KIR2DL1: variants seen among roughly 807,000 people sequenced by gnomAD.
The protein encoded by KIR2DL1 is killer cell immunoglobulin like receptor, two Ig domains and long cytoplasmic tail 1.
A neutral mutation model predicts 33.9 loss-of-function variants in KIR2DL1; 38 were observed. That is an observed-to-expected ratio of 1.12 (90% CI 0.86 to 1.47). The LOEUF (loss-of-function observed/expected upper bound fraction) is 1.47. Among genes scored for constraint, KIR2DL1 ranks in the 40% most tolerant of loss-of-function variants. KIR2DL1 has a pLI of 0.00. For synonymous variants in KIR2DL1, 179 were observed against 165.9 expected (o/e 1.08, Z -0.61); for missense variants, 531 against 433.9 (o/e 1.22, Z -1.99).
At chr19:54,776,487 G>A (rs1411178137) in intron 4 of KIR2DL1, among the ~76,000 whole-genome samples, 1 of 146,972 alleles carries the variant, frequency 6.8e-6, no homozygotes, top group Non-Finnish European at 1.5e-5. Context: ...TTCACCCACT[G>A]ATGGGCAGGT....
At chr19:54,779,249 C>T (rs1399237107) in intron 5 of KIR2DL1, among the ~76,000 whole-genome samples, 4 of 148,354 alleles carry the variant, frequency 2.7e-5, no homozygotes, top group Admixed American at 6.8e-5. Flanking sequence ...GAAAACAAAA[C>T]GGTTTTTTAA....
intron 5 of KIR2DL1, 44 bp downstream of exon 5, chr19:54,778,706 A>T: frequency 6.9e-7 from 1 of 1,459,206 alleles, no homozygotes; most frequent in Non-Finnish European, 9.4e-7. Flanking sequence ...AACCCTGGGG[A>T]GGTGGGAACC....
At chr19:54,781,825 G>A (rs2076990072) in intron 5 of KIR2DL1, among the ~76,000 whole-genome samples, 1 of 152,000 alleles carries the variant, frequency 6.6e-6, no homozygotes, top group African/African-American at 2.4e-5. Flanking sequence ...GAGAATGCAA[G>A]TTGTTTGATT....
chr19:54,772,965 C>T (rs2075918354), intron 2 of KIR2DL1, among the ~76,000 whole-genome samples: 1 of 147,906 alleles, frequency 6.8e-6, no homozygotes, highest in Non-Finnish European at 1.5e-5. Flanking sequence ...CCAAGGATTC[C>T]AATTCGTCCA....
chr19:54,770,133 C>T (rs1170745027), intron 1 of KIR2DL1, among the ~76,000 whole-genome samples: 1 of 139,530 alleles, frequency 7.2e-6, no homozygotes, highest in Admixed American at 7.3e-5. Flanking sequence ...AGATAGGAAC[C>T]TGGAGGGGAG....
At chr19:54,781,469 C>T (rs1271416626) in intron 5 of KIR2DL1, among the ~76,000 whole-genome samples, 1 of 150,820 alleles carries the variant, frequency 6.6e-6, no homozygotes, top group Non-Finnish European at 1.5e-5. Flanking sequence ...CACCTCACCC[C>T]TACTTCCAAT....
chr19:54,774,645 T>C lies in KIR2DL1; in HGVS notation c.371-520T>C, dbSNP rs377192615. Among the ~76,000 whole-genome samples the C allele has an allele frequency of 2.9e-3, 427 of 147,908 alleles. 21 individuals are homozygous for C. The highest frequency in any genetic ancestry group is 0.01 in the African/African-American group (409 of 40,514). On this transcript the variant is annotated intron_variant, in intron 3 of 7. Coordinates refer to ENST00000336077, the MANE Select transcript of KIR2DL1 (RefSeq NM_014218.3). The stretch of plus-strand genomic sequence containing the variant: ...TGAAGACAGATAGATAGATAATACA[T>C]AGAGATACAGAGGCAGACATAGAGA...
intron 5 of KIR2DL1, among the ~76,000 whole-genome samples, chr19:54,782,053 C>G (rs2077023282): frequency 1.3e-5 from 2 of 151,930 alleles, no homozygotes; most frequent in African/African-American, 4.8e-5. Context: ...CAACAGAAAC[C>G]TATATTTCAA....
intron 4 of KIR2DL1, among the ~76,000 whole-genome samples, chr19:54,776,815 T>C (rs1288401995): frequency 1.4e-5 from 2 of 145,866 alleles, no homozygotes; most frequent in African/African-American, 5.1e-5. Flanking sequence ...TACTTTTTGG[T>C]TTTTTTAGTA....
At chr19:54,779,015 A>ATG (rs1194694989) in intron 5 of KIR2DL1, among the ~76,000 whole-genome samples, 4 of 146,150 alleles carry the variant, frequency 2.7e-5, no homozygotes, top group Non-Finnish European at 4.6e-5. Flanking sequence ...GATGAGGGCA[A>ATG]GGTGTTTTAG....
chr19:54,773,758 G>A, intron 3 of KIR2DL1, 126 bp downstream of exon 3: 1 of 1,091,886 alleles, frequency 9.2e-7, no homozygotes, highest in Non-Finnish European at 1.3e-6. Context: ...CTGACTTGGT[G>A]AGGTCTGTGC....
intron 4 of KIR2DL1, among the ~76,000 whole-genome samples, chr19:54,776,633 T>C (rs2569658): frequency 2.7e-5 from 3 of 109,562 alleles, no homozygotes; most frequent in Admixed American, 1.8e-4. Context: ...ATGAAAGTTC[T>C]CTTTTTTTTT....
intron 3 of KIR2DL1, among the ~76,000 whole-genome samples, chr19:54,774,507 A>C (rs2147475624): frequency 6.7e-6 from 1 of 148,572 alleles, no homozygotes; most frequent in East Asian, 1.9e-4. Flanking sequence ...GACAGATGAT[A>C]GATGGATAGA....
chr19:54,775,238 C>T lies in KIR2DL1; in HGVS notation c.444C>T (p.Ser148=), dbSNP rs1283525256. ...TVLAGENVTL[S]CSSRSSYDMY... Reference sequence around the variant, plus strand: ...TGGCAGGAGAGAATGTGACCTTGTCCTGCAGCTCCCGGAGCTCCTATGACA... The same window carrying T: ...TGGCAGGAGAGAATGTGACCTTGTCTTGCAGCTCCCGGAGCTCCTATGACA... Residue 148 remains serine, a synonymous_variant, in exon 4 of 8, where the codon TCC becomes TCT. Coordinates refer to ENST00000336077, the MANE Select transcript of KIR2DL1 (RefSeq NM_014218.3). The T allele has an allele frequency of 1.9e-6, 3 of 1,602,954 alleles. No individual in the cohort carries two copies. Among genetic ancestry groups the T allele is most frequent in the African/African-American group, 1.3e-5 (1 of 74,328 alleles).
In KIR2DL1 at chr19:54,778,744, C is replaced by G. The variant is rs2076636821; in HGVS notation, c.715+82C>G. 4.5e-6 allele frequency: 6 copies of G among 1,322,784 alleles called. 1 individual carries two copies. Among genetic ancestry groups the G allele is most frequent in the Admixed American group, 3.6e-5 (2 of 56,034 alleles). 81.9% of individuals were successfully genotyped at this position (1,322,784 alleles called of 1,614,324 possible). ...GGATTCAGGCGTTGACTCAGCATCT[C>G]ACAGCTCTGACATTGTACACTTGTC... On this transcript the variant is annotated intron_variant, in intron 5 of 7. Transcript: ENST00000336077.
intron 5 of KIR2DL1, 52 bp from the exon 6 acceptor site, chr19:54,782,870 T>C (rs2077173807): frequency 1.3e-6 from 2 of 1,580,362 alleles, no homozygotes; most frequent in Non-Finnish European, 1.7e-6. Context: ...AGACAATTCA[T>C]AAAGAGGAAC....
chr19:54,782,818 A>G (rs1165568121), intron 5 of KIR2DL1, 104 bp from the exon 6 acceptor site: 19 of 1,274,300 alleles, frequency 1.5e-5, no homozygotes, highest in Non-Finnish European at 1.9e-5. Flanking sequence ...TGCTTGTCCT[A>G]AAGAGGTGTT....
intron 5 of KIR2DL1, among the ~76,000 whole-genome samples, chr19:54,781,697 G>A (rs1223236814): frequency 3.3e-5 from 5 of 152,046 alleles, no homozygotes; most frequent in South Asian, 4.1e-4. Flanking sequence ...TGTGTCTCCC[G>A]AGATCACAAA....
chr19:54,773,407 T>C lies in KIR2DL1; in HGVS notation c.145T>C (p.Cys49Arg), dbSNP rs1158124737. 4 of 1,592,654 alleles carry C rather than the reference T, an allele frequency of 2.5e-6. No homozygotes were observed. The South Asian group carries it at 3.3e-5, about 13-fold the overall frequency. The change falls in exon 3 of 8, where the codon TGT (cysteine) becomes CGT (arginine). Residue 49 changes from cysteine to arginine, a missense_variant. Transcript: ENST00000336077. Reference sequence around the variant, plus strand: ...ATCAGAAGAGACAGTCATCCTGCAGTGTTGGTCAGATGTCATGTTTGAACA... The same window carrying C: ...ATCAGAAGAGACAGTCATCCTGCAGCGTTGGTCAGATGTCATGTTTGAACA... The part of the protein sequence containing the change: ...VKSEETVILQ[C>R]WSDVMFEHFL...
Sources: allele counts gnomAD v4.1 joint callset (sites outside exome capture counted in the v4.1 genomes callset), GRCh38; gene constraint gnomAD v4.1.1; transcripts MANE v1.5; gene names NCBI Gene and HGNC (gene_info 2026-07-23, HGNC 2026-07-21).